The following MAP2K4 variants were observed in gnomAD, a reference collection of about 807,000 sequenced individuals.
The protein encoded by MAP2K4 is mitogen-activated protein kinase kinase 4.
In MAP2K4, 4 loss-of-function variants were observed where a neutral mutation model predicts 48.5. The observed-to-expected ratio is 0.08, with a 90% confidence interval of 0.04 to 0.19. The LOEUF is 0.19. MAP2K4 is among the 10% of genes least tolerant of loss of function. The pLI is 1.00. For missense variants in MAP2K4, 258 were observed against 493.3 expected, an observed-to-expected ratio of 0.52 and a Z score of 4.52; for synonymous variants, 166 against 173.1, an observed-to-expected ratio of 0.96 and a Z score of 0.32.
At chr17:12,074,763 C>T (rs1970942178) in intron 2 of MAP2K4, among the ~76,000 whole-genome samples, 1 of 152,312 alleles carries the variant, frequency 6.6e-6, no homozygotes, top group Non-Finnish European at 1.5e-5. Context: ...TTGTCCGCAA[C>T]TCAAGGGTAC....
Position 12,046,487 on chromosome 17 carries a change from T to C in MAP2K4, c.116-8402T>C, listed in dbSNP as rs193268197. ...ACTAATCATGACTTGGCCAGAGAGA[T>C]TTTCAATTTAGCCTGTGGAATTATA... On this transcript the variant is annotated intron_variant, in intron 1 of 10. Transcript: ENST00000353533. Among the ~76,000 whole-genome samples the C allele has an allele frequency of 2.6e-5, 4 of 152,256 alleles. No individual in the cohort carries two copies. The East Asian group carries it at 7.7e-4, about 29-fold the overall frequency.
chr17:12,125,488 GT>G, intron 8 of MAP2K4, 117 bp downstream of exon 8: 1 of 751,370 alleles, frequency 1.3e-6, no homozygotes, highest in Non-Finnish European at 2.3e-6. Context: ...AGACACTATG[GT>G]TTTAAGTTGC....
At chr17:12,121,865 G>A (rs1286450390) in intron 7 of MAP2K4, among the ~76,000 whole-genome samples, 2 of 151,998 alleles carry the variant, frequency 1.3e-5, no homozygotes, top group Non-Finnish European at 2.9e-5. Context: ...TTTTTTTTAA[G>A]CAGTTAAAAC....
chr17:12,025,422 C>T (rs964725264), intron 1 of MAP2K4, among the ~76,000 whole-genome samples: 4 of 152,142 alleles, frequency 2.6e-5, no homozygotes, highest in Admixed American at 2.6e-4. Context: ...CTACTAATCA[C>T]TTAAAATGTA....
intron 1 of MAP2K4, among the ~76,000 whole-genome samples, chr17:12,041,536 G>A (rs1337630684): frequency 1.3e-5 from 2 of 152,184 alleles, no homozygotes; most frequent in Admixed American, 1.3e-4. Flanking sequence ...AAAGCCAGAA[G>A]ATGTCTGACT....
At chr17:12,031,002 G>T (rs558865241) in intron 1 of MAP2K4, among the ~76,000 whole-genome samples, 1 of 152,168 alleles carries the variant, frequency 6.6e-6, no homozygotes, top group African/African-American at 2.4e-5. Context: ...GCTTAGGCTT[G>T]TAAGACCCAT....
intron 2 of MAP2K4, among the ~76,000 whole-genome samples, chr17:12,064,125 A>G (rs1488943784): frequency 5.9e-5 from 9 of 152,136 alleles, no homozygotes; most frequent in Admixed American, 3.9e-4. Flanking sequence ...CCAAAACTCA[A>G]AACAACCCAG....
chr17:12,095,538 T>G (rs371384577), intron 3 of MAP2K4, 37 bp from the exon 4 acceptor site: 1 of 1,612,002 alleles, frequency 6.2e-7, no homozygotes, highest in Non-Finnish European at 8.5e-7. Flanking sequence ...GACAAAATTA[T>G]TGTGTTTTTT....
chr17:12,108,841 A>G (rs28923217), intron 5 of MAP2K4, among the ~76,000 whole-genome samples: 2 of 152,000 alleles, frequency 1.3e-5, no homozygotes, highest in Admixed American at 1.3e-4. Flanking sequence ...AAATTTTATA[A>G]AAATAATTGT....
intron 4 of MAP2K4, among the ~76,000 whole-genome samples, chr17:12,100,595 A>T (rs1042404319): frequency 4.6e-5 from 7 of 152,126 alleles, no homozygotes; most frequent in African/African-American, 7.2e-5. Flanking sequence ...GAATGGCTGG[A>T]TCATATGGTA....
chr17:12,079,837 T>C (rs1338926002), intron 2 of MAP2K4, among the ~76,000 whole-genome samples: 2 of 152,214 alleles, frequency 1.3e-5, no homozygotes, highest in Admixed American at 6.5e-5. Context: ...TATTTTTGCC[T>C]AGACCTGATT....
intron 9 of MAP2K4, among the ~76,000 whole-genome samples, chr17:12,131,726 T>TA (rs199781537): frequency 9.3e-5 from 14 of 151,110 alleles, no homozygotes; most frequent in South Asian, 8.4e-4. Context: ...AAAGATTGAT[T>TA]AAAAAAAAAT....
chr17:12,083,272 T>A (rs1387036121), intron 3 of MAP2K4, among the ~76,000 whole-genome samples: 2 of 152,218 alleles, frequency 1.3e-5, no homozygotes, highest in African/African-American at 4.8e-5. Context: ...TTGATAATAT[T>A]TTGGGTTGTA....
intron 3 of MAP2K4, among the ~76,000 whole-genome samples, chr17:12,088,265 C>G (rs1372981694): frequency 6.6e-6 from 1 of 151,734 alleles, no homozygotes; most frequent in Non-Finnish European, 1.5e-5. Context: ...TTCCCCTTCA[C>G]ATTAATGACA....
intron 1 of MAP2K4, among the ~76,000 whole-genome samples, chr17:12,025,055 A>C (rs1212814007): frequency 6.6e-6 from 1 of 152,276 alleles, no homozygotes; most frequent in South Asian, 2.1e-4. Flanking sequence ...GAAATTGCAT[A>C]GGCAGGATGA....
intron 9 of MAP2K4, among the ~76,000 whole-genome samples, chr17:12,137,549 T>C (rs1384624415): frequency 6.6e-6 from 1 of 152,016 alleles, no homozygotes; most frequent in Non-Finnish European, 1.5e-5. Flanking sequence ...ATTAGGGAAA[T>C]AGGAGCTGAG....
At chr17:12,095,229 A>G (rs929448853) in intron 3 of MAP2K4, among the ~76,000 whole-genome samples, 2 of 152,196 alleles carry the variant, frequency 1.3e-5, no homozygotes, top group East Asian at 1.9e-4. Context: ...AATTATTCAT[A>G]TGAAACTGTT....
chr17:12,060,353 G>A (rs189895826), intron 2 of MAP2K4, among the ~76,000 whole-genome samples: 25 of 152,116 alleles, frequency 1.6e-4, no homozygotes, highest in Non-Finnish European at 3.1e-4. Flanking sequence ...AGGAAGGGGA[G>A]AGAATTAAGC....
chr17:12,073,557 T>A (rs1970888789), intron 2 of MAP2K4, among the ~76,000 whole-genome samples: 1 of 152,208 alleles, frequency 6.6e-6, no homozygotes, highest in Non-Finnish European at 1.5e-5. Context: ...CAAATCCGTA[T>A]CAGACAAGTA....
Sources: allele counts gnomAD v4.1 joint callset (sites outside exome capture counted in the v4.1 genomes callset), GRCh38; gene constraint gnomAD v4.1.1; transcripts MANE v1.5; gene names NCBI Gene and HGNC (gene_info 2026-07-23, HGNC 2026-07-21).